Variants in SRGAP3 observed in about 807,000 individuals in gnomAD.
The protein encoded by SRGAP3 is SLIT-ROBO Rho GTPase activating protein 3.
SRGAP3 carries 39 observed loss-of-function variants against 121.1 expected under a neutral mutation model. That is an observed-to-expected ratio of 0.32 (90% CI 0.25 to 0.42). The LOEUF (loss-of-function observed/expected upper bound fraction) is 0.42. SRGAP3 is among the 10% of genes least tolerant of loss of function. The probability of loss-of-function intolerance (pLI) is 1.00; values close to 1 mark genes in which losing one functional copy is unlikely to be tolerated. For missense variants in SRGAP3, 1,213 were observed against 1,470.6 expected, an observed-to-expected ratio of 0.82 and a Z score of 2.86; for synonymous variants, 601 against 570.0, an observed-to-expected ratio of 1.05 and a Z score of -0.77.
intron 3 of SRGAP3, among the ~76,000 whole-genome samples, chr3:9,301,729 G>A (rs1030383753): frequency 2.6e-5 from 4 of 152,264 alleles, no homozygotes; most frequent in Non-Finnish European, 4.4e-5. Flanking sequence ...AGACAGGAAT[G>A]AGCGTGGGAC....
intron 3 of SRGAP3, among the ~76,000 whole-genome samples, chr3:9,102,660 G>C (rs547321929): frequency 1.3e-5 from 2 of 152,366 alleles, no homozygotes; most frequent in African/African-American, 4.8e-5. Flanking sequence ...CAAAGCCCCT[G>C]TGGGCTGGGT....
chr3:9,176,413 T>C (rs968987127), intron 1 of SRGAP3, among the ~76,000 whole-genome samples: 5 of 152,178 alleles, frequency 3.3e-5, no homozygotes, highest in Admixed American at 2.6e-4. Flanking sequence ...AATATTACTG[T>C]TATTAGTATA....
At chr3:9,068,323 A>G (rs1342916978) in intron 4 of SRGAP3, among the ~76,000 whole-genome samples, 1 of 152,066 alleles carries the variant, frequency 6.6e-6, no homozygotes, top group Non-Finnish European at 1.5e-5. Context: ...CAATTCCCAC[A>G]TATCCTTTGC....
chr3:9,348,907 G>C, intron 1 of SRGAP3: 1 of 1,021,496 alleles, frequency 9.8e-7, no homozygotes, highest in East Asian at 2.4e-5. Flanking sequence ...AGAGTCTGAA[G>C]GACACTATTG....
At chr3:9,317,656 T>C (rs1027474502) in intron 3 of SRGAP3, among the ~76,000 whole-genome samples, 2 of 152,176 alleles carry the variant, frequency 1.3e-5, no homozygotes, top group African/African-American at 4.8e-5. Flanking sequence ...AAAACAGAAG[T>C]GATGTAGAAG....
At chr3:9,257,919 G>A (rs925697147) in intron 3 of SRGAP3, among the ~76,000 whole-genome samples, 1 of 151,936 alleles carries the variant, frequency 6.6e-6, no homozygotes, top group African/African-American at 2.4e-5. Flanking sequence ...TGGTGAGGCT[G>A]GTCTCGAACT....
At chr3:9,241,546 G>A (rs1055301081) in intron 1 of SRGAP3, among the ~76,000 whole-genome samples, 30 of 152,158 alleles carry the variant, frequency 2.0e-4, no homozygotes, top group Admixed American at 2.0e-4. Context: ...GGAAATGCAA[G>A]GAAATCGAGC....
At chr3:9,022,072 T>C (rs1357018896) in intron 14 of SRGAP3, among the ~76,000 whole-genome samples, 1 of 152,204 alleles carries the variant, frequency 6.6e-6, no homozygotes. Context: ...CTCACGCCTA[T>C]AATCCCAGCA....
chr3:9,215,797 C>T (rs976983667), intron 1 of SRGAP3, among the ~76,000 whole-genome samples: 1 of 152,332 alleles, frequency 6.6e-6, no homozygotes, highest in East Asian at 1.9e-4. Context: ...CTTGAACCAG[C>T]GGCCTCCCCT....
At chr3:9,026,849 G>A in intron 13 of SRGAP3, 86 bp downstream of exon 13, 1 of 1,472,966 alleles carries the variant, frequency 6.8e-7, no homozygotes. Context: ...AGTCTTCCAG[G>A]ACAAATTAGA....
chr3:9,104,470 T>TGGCTA (rs1948339343), intron 3 of SRGAP3, among the ~76,000 whole-genome samples: 1 of 152,200 alleles, frequency 6.6e-6, no homozygotes, highest in African/African-American at 2.4e-5. Flanking sequence ...GTTGCTAAAG[T>TGGCTA]GGCTAAGACT....
chr3:8,982,469 C>G lies in SRGAP3; in HGVS notation c.*3050G>C, dbSNP rs2124879306. On this transcript the variant is annotated 3_prime_UTR_variant, in exon 22 of 22. Coordinates refer to ENST00000383836, the MANE Select transcript of SRGAP3 (RefSeq NM_014850.4). ...ATTTGTTTTTACATTGATCTATCTA[C>G]TAGGTGCAAAGATTTGGTGAGTGGC... 1 of 222,062 alleles carries G rather than the reference C, an allele frequency of 4.5e-6. No homozygotes were observed. The highest frequency in any genetic ancestry group is 6.6e-5 in the East Asian group (1 of 15,154). The allele number at this position is 222,062 out of a possible 1,614,324, so 13.8% of individuals were successfully genotyped here. A position where few individuals can be genotyped will look rare whatever the true frequency, so the allele number is the denominator to read the frequency against.
chr3:9,045,876 A>G lies in SRGAP3; in HGVS notation c.1408+1515T>C, dbSNP rs1192276031. 3.9e-5 allele frequency among the ~76,000 whole-genome samples: 6 copies of G among 152,090 alleles called. No individual in the cohort carries two copies. The East Asian group carries it at 1.2e-3, about 29-fold the overall frequency. ...ATAGCCCCCTGCCCTGTGCCTATAAATACCAACCCTCCTCTTTAATGCTAG... is the reference window on the plus strand; with the variant it reads ...ATAGCCCCCTGCCCTGTGCCTATAAGTACCAACCCTCCTCTTTAATGCTAG... On this transcript the variant is annotated intron_variant, in intron 10 of 21. Transcript: ENST00000383836.
intron 4 of SRGAP3, among the ~76,000 whole-genome samples, chr3:9,076,467 G>C (rs1177412683): frequency 6.6e-6 from 1 of 152,078 alleles, no homozygotes; most frequent in African/African-American, 2.4e-5. Context: ...GAGCCAACGA[G>C]GTTAATTGAT....
chr3:9,168,362 C>T (rs1198742892), intron 1 of SRGAP3, among the ~76,000 whole-genome samples: 2 of 152,202 alleles, frequency 1.3e-5, no homozygotes, highest in Admixed American at 1.3e-4. Context: ...TCAGAAGTCA[C>T]CTGATTGGTC....
rs943278961 is a variant in SRGAP3 at position 9,338,269 on chromosome 3, A to G, written n.215-7673T>C. On this transcript the variant is annotated intron_variant and non_coding_transcript_variant, in intron 1 of 3. Coordinates refer to the SRGAP3 transcript ENST00000490889. ...GCTTGCATATATAGATTCTAAATAA[A>G]AAAAGAGTAGTAGAAACCTCCACAG... Among the ~76,000 whole-genome samples the G allele has an allele frequency of 1.3e-5, 2 of 152,188 alleles. 1 individual carries two copies. Among genetic ancestry groups the G allele is most frequent in the South Asian group, 4.1e-4 (2 of 4,832 alleles).
At position 9,239,846 on chromosome 3, in the gene SRGAP3, A is replaced by G. The variant is rs1953559452; in HGVS notation, c.67+9039T>C. ...CTGCTCTCTGAGACAAGTATAAAAC[A>G]TTAGGGAACTGAGCCAGAGGCAAAA... On this transcript the variant is annotated intron_variant, in intron 1 of 21. Coordinates refer to ENST00000383836, the MANE Select transcript of SRGAP3 (RefSeq NM_014850.4). This position sits in a 1 kb window ranked among gnomAD's most constrained non-coding sequence, Gnocchi z 4.0. Among the ~76,000 whole-genome samples the G allele has an allele frequency of 6.6e-6, 1 of 152,248 alleles. No homozygotes were observed. Among genetic ancestry groups the G allele is most frequent in the African/African-American group, 2.4e-5 (1 of 41,468 alleles).
At chr3:9,164,476 G>A (rs1463933183) in intron 1 of SRGAP3, among the ~76,000 whole-genome samples, 1 of 151,948 alleles carries the variant, frequency 6.6e-6, no homozygotes, top group African/African-American at 2.4e-5. Context: ...TTTTGGGAGA[G>A]ACAGGGTTTC....
intron 10 of SRGAP3, among the ~76,000 whole-genome samples, chr3:9,038,923 CT>C (rs945358689): frequency 2.0e-5 from 3 of 152,122 alleles, no homozygotes; most frequent in African/African-American, 7.2e-5. Flanking sequence ...GACCCCATTT[CT>C]CCTTCCAGCT....
Sources: allele counts gnomAD v4.1 joint callset (sites outside exome capture counted in the v4.1 genomes callset), GRCh38; gene constraint gnomAD v4.1.1; non-coding constraint Gnocchi (gnomAD v3.1); transcripts MANE v1.5; gene names NCBI Gene and HGNC (gene_info 2026-07-23, HGNC 2026-07-21).